CTNNA2: variants seen among roughly 807,000 people sequenced by gnomAD.
CTNNA2 encodes the protein catenin alpha 2.
Under a neutral mutation model 101.0 loss-of-function variants are expected in CTNNA2, and 42 were observed. The observed-to-expected ratio is 0.42, with a 90% confidence interval of 0.32 to 0.54. The LOEUF (loss-of-function observed/expected upper bound fraction) is 0.54, where lower values mean the gene tolerates loss of function less well. CTNNA2 is among the 20% of genes least tolerant of loss of function. CTNNA2 has a pLI of 0.14. For missense variants in CTNNA2, 871 were observed against 1,223.1 expected, an observed-to-expected ratio of 0.71 and a Z score of 4.29; for synonymous variants, 450 against 456.4, an observed-to-expected ratio of 0.99 and a Z score of 0.18.
intron 7 of CTNNA2, among the ~76,000 whole-genome samples, chr2:80,144,995 C>G (rs1703247399): frequency 6.6e-6 from 1 of 152,100 alleles, no homozygotes; most frequent in East Asian, 1.9e-4. Context: ...TGCCTCCAGA[C>G]ATTGCCAGAT....
chr2:79,452,825 C>T (rs1275506944), intron 4 of CTNNA2, among the ~76,000 whole-genome samples: 1 of 152,068 alleles, frequency 6.6e-6, no homozygotes, highest in African/African-American at 2.4e-5. Context: ...ATTCTAGTCA[C>T]TCATTGAGTT....
rs1300166811 is a variant in CTNNA2 at position 80,147,454 on chromosome 2, G to C, written c.1056+237657G>C. On this transcript the variant is annotated intron_variant, in intron 7 of 18. Transcript: ENST00000402739. ...ATAAAAATGGCGAATGGATATAAAT[G>C]CTGTTGTTGGGAACTATGGTCCTAG... 2.6e-5 allele frequency among the ~76,000 whole-genome samples: 4 copies of C among 152,134 alleles called. No homozygotes were observed. In the East Asian group the frequency reaches 7.7e-4, roughly 29 times the overall value.
chr2:79,783,848 T>C (rs902933943), intron 3 of CTNNA2, among the ~76,000 whole-genome samples: 3 of 152,214 alleles, frequency 2.0e-5, no homozygotes, highest in African/African-American at 7.2e-5. Flanking sequence ...TTAAATTGCC[T>C]ACAGTTGTTA....
chr2:79,769,871 T>C (rs1053673607), intron 3 of CTNNA2, among the ~76,000 whole-genome samples: 2 of 152,238 alleles, frequency 1.3e-5, no homozygotes, highest in African/African-American at 4.8e-5. Context: ...CTTTCTGCAA[T>C]AAAAATAGTT....
At chr2:80,570,690 C>T (rs1694508371) in intron 12 of CTNNA2, among the ~76,000 whole-genome samples, 1 of 152,080 alleles carries the variant, frequency 6.6e-6, no homozygotes, top group South Asian at 2.1e-4. Context: ...AAATAAAGAA[C>T]TTGTACCCTC....
chr2:79,608,329 C>T (rs1315595746), intron 1 of CTNNA2, among the ~76,000 whole-genome samples: 2 of 151,928 alleles, frequency 1.3e-5, no homozygotes, highest in African/African-American at 2.4e-5. Flanking sequence ...TTTGCCCAAA[C>T]ATGTAAAGAA....
intron 7 of CTNNA2, among the ~76,000 whole-genome samples, chr2:79,934,773 G>T (rs17018163): frequency 2.3e-4 from 35 of 152,204 alleles, no homozygotes; most frequent in Non-Finnish European, 4.7e-4. Context: ...ACCCTTTGGT[G>T]TAATGAAAGA....
At chr2:79,527,555 G>C (rs1441219531) in intron 1 of CTNNA2, among the ~76,000 whole-genome samples, 1 of 151,398 alleles carries the variant, frequency 6.6e-6, no homozygotes, top group Non-Finnish European at 1.5e-5. Flanking sequence ...TGAGGCAGGA[G>C]AATAGCTTGA....
At chr2:79,616,694 T>A (rs1477403415) in intron 1 of CTNNA2, among the ~76,000 whole-genome samples, 1 of 152,180 alleles carries the variant, frequency 6.6e-6, no homozygotes, top group Non-Finnish European at 1.5e-5. Context: ...TCTTCTTGTT[T>A]AGTAGATATT....
intron 2 of CTNNA2, among the ~76,000 whole-genome samples, chr2:79,252,293 T>C (rs1156657722): frequency 4.2e-5 from 1 of 23,802 alleles, no homozygotes; most frequent in Non-Finnish European, 1.0e-4. Flanking sequence ...TTGGAAGAGA[T>C]TTTTTTTTTT....
At chr2:80,503,975 A>AT (rs1281851966) in intron 9 of CTNNA2, among the ~76,000 whole-genome samples, 3 of 152,170 alleles carry the variant, frequency 2.0e-5, no homozygotes, top group Admixed American at 6.6e-5. Flanking sequence ...TTCCATTGCT[A>AT]TTTTTTGCAG....
intron 1 of CTNNA2, among the ~76,000 whole-genome samples, chr2:79,545,154 T>C (rs137931179): frequency 6.6e-6 from 1 of 152,192 alleles, no homozygotes; most frequent in Non-Finnish European, 1.5e-5. Flanking sequence ...AACTCCTGAA[T>C]TGGACATAGT....
intron 7 of CTNNA2, among the ~76,000 whole-genome samples, chr2:80,137,940 A>C (rs1028015861): frequency 2.0e-5 from 3 of 152,148 alleles, no homozygotes; most frequent in African/African-American, 7.2e-5. Context: ...ATAAGATGGA[A>C]GAATTAGCTG....
chr2:80,172,896 G>A (rs1169855275), intron 7 of CTNNA2, among the ~76,000 whole-genome samples: 1 of 152,156 alleles, frequency 6.6e-6, no homozygotes, highest in Non-Finnish European at 1.5e-5. Flanking sequence ...TGGATTAAGG[G>A]CCCAGTCTAC....
chr2:79,675,679 G>T (rs181068172), intron 2 of CTNNA2, among the ~76,000 whole-genome samples: 1 of 152,116 alleles, frequency 6.6e-6, no homozygotes, highest in Admixed American at 6.5e-5. Flanking sequence ...TAAAAACACC[G>T]AATGGAAGTC....
rs1409886261 is a variant in CTNNA2, at chr2:79,284,853, A to T, written c.-405-27856A>T. Among the ~76,000 whole-genome samples, 3 of 143,716 alleles carry T rather than the reference A, an allele frequency of 2.1e-5. No homozygotes were observed. The East Asian group carries it at 6.2e-4, about 30-fold the overall frequency. The allele number at this position is 143,716 out of a possible 152,430, so 94.3% of individuals were successfully genotyped here. A position where few individuals can be genotyped will look rare whatever the true frequency, so the allele number is the denominator to read the frequency against. ...AGGAATGGTACCAGTTCCTCCTTGT[A>T]CCTCTGGTAGAATTCGGCTGTGAAT... On this transcript the variant is annotated intron_variant, in intron 2 of 21. Transcript: ENST00000466387.
chr2:79,339,572 A>T (rs1475650350), intron 3 of CTNNA2: 3 of 152,206 alleles, frequency 2.0e-5, no homozygotes, highest in Admixed American at 1.3e-4. Flanking sequence ...TACCTGATTC[A>T]ATAAGCCCGC....
intron 3 of CTNNA2, among the ~76,000 whole-genome samples, chr2:79,835,254 T>A (rs1229587931): frequency 6.6e-6 from 1 of 152,178 alleles, no homozygotes; most frequent in Non-Finnish European, 1.5e-5. Flanking sequence ...TTTTAAGTTG[T>A]TTATTTAAAA....
chr2:79,203,373 A>G (rs1262414840), intron 2 of CTNNA2, among the ~76,000 whole-genome samples: 2 of 152,246 alleles, frequency 1.3e-5, no homozygotes, highest in Non-Finnish European at 2.9e-5. Flanking sequence ...TTTAACTCAT[A>G]TAAAGGAACT....
Sources: allele counts gnomAD v4.1 joint callset (sites outside exome capture counted in the v4.1 genomes callset), GRCh38; gene constraint gnomAD v4.1.1; transcripts MANE v1.5; gene names NCBI Gene and HGNC (gene_info 2026-07-23, HGNC 2026-07-21).